Variants in HUWE1 observed in about 807,000 individuals in gnomAD.
HUWE1 encodes the protein E3 ubiquitin-protein ligase HUWE1.
Under a neutral mutation model 299.4 loss-of-function variants are expected in HUWE1, and 18 were observed. The observed-to-expected ratio is 0.06, with a 90% confidence interval of 0.04 to 0.09. The LOEUF is 0.09. Ranked by LOEUF, HUWE1 falls within the 10% of genes least tolerant of loss-of-function variation. The pLI, the probability that HUWE1 is intolerant of heterozygous loss-of-function variation, is 1.00. For missense variants in HUWE1, 1,832 were observed against 3,462.3 expected, an observed-to-expected ratio of 0.53 and a Z score of 11.82; for synonymous variants, 1,317 against 1,286.1, an observed-to-expected ratio of 1.02 and a Z score of -0.51.
Position 53,575,179 on chromosome X carries a change from C to A in HUWE1, c.6073G>T (p.Ala2025Ser), listed in dbSNP as rs782688724. The change falls in exon 46 of 84, where the codon GCA becomes TCA. Residue 2025 changes from alanine to serine, a missense_variant. By Grantham distance (99) the Ala-to-Ser change is moderately conservative. Transcript: ENST00000262854. ...AADGASTETS[A>S]SGTSQGEAST... ...CCCTCTCCTTGGGAGGTCCCAGATGCGGAAGTCTCAGTGGAGGCACCATCT... is the reference window on the plus strand; with the variant it reads ...CCCTCTCCTTGGGAGGTCCCAGATGAGGAAGTCTCAGTGGAGGCACCATCT... 8.3e-7 allele frequency: 1 copy of A among 1,204,335 alleles called. No homozygotes were observed. The highest frequency in any genetic ancestry group is 1.1e-6 in the Non-Finnish European group (1 of 889,514).
intron 66 of HUWE1, among the ~76,000 whole-genome samples, 173 bp from the exon 67 acceptor site, chrX:53,549,678 T>C (rs1602579900): frequency 9.0e-6 from 1 of 110,693 alleles, no homozygotes; most frequent in African/African-American, 3.3e-5. Flanking sequence ...GTCTACTATG[T>C]ACCAGGCACT....
intron 6 of HUWE1, 52 bp from the exon 7 acceptor site, chrX:53,645,515 GAAAAC>G (rs781950441): frequency 1.8e-6 from 2 of 1,133,278 alleles, no homozygotes; most frequent in South Asian, 3.7e-5. Context: ...AACTGGCCTT[GAAAAC>G]AAAACAAAAT....
At chrX:53,660,038 T>C (rs1557044593) in intron 3 of HUWE1, among the ~76,000 whole-genome samples, 1 of 111,978 alleles carries the variant, frequency 8.9e-6, no homozygotes, top group African/African-American at 3.3e-5. Flanking sequence ...TAGTCAAGTG[T>C]CTGTAACTAC....
Position 53,624,348 on chromosome X carries a change from T to A in HUWE1, c.1672+247A>T, listed in dbSNP as rs1228096850. On this transcript the variant is annotated intron_variant, in intron 19 of 83. Coordinates refer to ENST00000262854, the MANE Select transcript of HUWE1 (RefSeq NM_031407.7). ...TATTTGTCTACTAAAAATACAAAAA[T>A]TAGCCAGGCATGGTGGCAGGCACCT... Among the ~76,000 whole-genome samples the A allele has an allele frequency of 1.1e-4, 12 of 111,890 alleles. No homozygotes were observed. In the Admixed American group the frequency reaches 1.1e-3, roughly 11 times the overall value.
At chrX:53,671,791 CAAAAAAAAAAAA>C (rs60356592) in intron 3 of HUWE1, among the ~76,000 whole-genome samples, 7 of 28,553 alleles carry the variant, frequency 2.5e-4, no homozygotes, top group Non-Finnish European at 4.0e-4. Flanking sequence ...GACTCCGTCT[CAAAAAAAAAAAA>C]AAAAAAAAAA....
At chrX:53,552,269 C>A in intron 63 of HUWE1, 42 bp downstream of exon 63, 4 of 1,207,767 alleles carry the variant, frequency 3.3e-6, no homozygotes, top group Non-Finnish European at 4.5e-6. Flanking sequence ...CTACTAGAAG[C>A]CAAAACAATC....
At chrX:53,607,269 C>T (rs1330192104) in intron 25 of HUWE1, among the ~76,000 whole-genome samples, 3 of 111,758 alleles carry the variant, frequency 2.7e-5, no homozygotes, top group African/African-American at 9.8e-5. Flanking sequence ...TGGAGATACA[C>T]TTTTCCCTCC....
At chrX:53,669,810 C>A (rs941316727) in intron 3 of HUWE1, among the ~76,000 whole-genome samples, 45 of 112,188 alleles carry the variant, frequency 4.0e-4, no homozygotes, top group African/African-American at 1.4e-3. Flanking sequence ...TACTTCACAC[C>A]ATTACTTCAG....
At position 53,549,299 on chromosome X, in the gene HUWE1, C is replaced by T. The variant is rs782646040; in HGVS notation, c.9695G>A (p.Arg3232His). ...VIRSLLSILQ[R>H]SSESELCIET... ...AATGCATAGCTCACTCTCACTGCTGCGCTGCAAGATGGAGAGCAGACTGCG... is the reference window on the plus strand; with the variant it reads ...AATGCATAGCTCACTCTCACTGCTGTGCTGCAAGATGGAGAGCAGACTGCG... Residue 3232 changes from arginine (R) to histidine (H), a missense_variant, in exon 67 of 84, where the codon CGC becomes CAC. Transcript: ENST00000262854. 1.7e-6 allele frequency: 2 copies of T among 1,211,613 alleles called. No individual in the cohort carries two copies. Among genetic ancestry groups the T allele is most frequent in the Non-Finnish European group, 2.2e-6 (2 of 895,308 alleles).
chrX:53,672,824 A>C (rs2149549267), intron 3 of HUWE1, among the ~76,000 whole-genome samples: 1 of 112,016 alleles, frequency 8.9e-6, no homozygotes, highest in Admixed American at 9.4e-5. Flanking sequence ...GAAAAAATAT[A>C]TAATATGGCT....
rs781946324 is a variant in HUWE1, at chrX:53,535,501, C to T, written c.12532G>A (p.Val4178Ile). 8.8e-7 allele frequency: 1 copy of T among 1,134,297 alleles called. No homozygotes were observed. Among genetic ancestry groups the T allele is most frequent in the Non-Finnish European group, 1.2e-6 (1 of 825,897 alleles). The allele number at this position is 1,134,297 out of a possible 1,213,427, so 93.5% of individuals were successfully genotyped here. A position where few individuals can be genotyped will look rare whatever the true frequency, so the allele number is the denominator to read the frequency against. The change falls in exon 81 of 84, where the codon GTC (valine) becomes ATC (isoleucine). Residue 4178 changes from valine (V) to isoleucine (I), a missense_variant and splice_region_variant. Transcript: ENST00000262854. ...LGYDLTFSTE[V>I]QEFGVCEVRD... Reference sequence around the variant, plus strand: ...ACTTCACAAACTCCAAACTCTTGGACCTAGAACAACCAAAACACCAATCAT... The same window carrying T: ...ACTTCACAAACTCCAAACTCTTGGATCTAGAACAACCAAAACACCAATCAT...
chrX:53,584,939 C>T (rs2063789487), intron 40 of HUWE1, 73 bp downstream of exon 40: 16 of 1,087,267 alleles, frequency 1.5e-5, no homozygotes, highest in Non-Finnish European at 2.0e-5. Context: ...TGTTGGGCTG[C>T]ATTCAAAGAC....
intron 23 of HUWE1, 79 bp downstream of exon 23, chrX:53,614,455 A>G (rs1010052884): frequency 3.7e-5 from 26 of 711,440 alleles, no homozygotes; most frequent in Non-Finnish European, 5.4e-5. Flanking sequence ...TTTATAGATG[A>G]AAGTGTTCAT....
intron 43 of HUWE1, among the ~76,000 whole-genome samples, chrX:53,578,531 T>G (rs1276791616): frequency 1.3e-3 from 48 of 37,104 alleles, no homozygotes; most frequent in Non-Finnish European, 1.5e-3. Context: ...GGGAGGGAGG[T>G]GGGGGGTCAG....
chrX:53,548,886 A>G, intron 67 of HUWE1, 73 bp downstream of exon 67: 1 of 874,476 alleles, frequency 1.1e-6, no homozygotes, highest in Non-Finnish European at 1.6e-6. Flanking sequence ...TAGCCTGCTT[A>G]GTGTTCAACT....
At chrX:53,548,486 T>A (rs782505018) in intron 67 of HUWE1, among the ~76,000 whole-genome samples, 1 of 112,764 alleles carries the variant, frequency 8.9e-6, no homozygotes, top group East Asian at 2.8e-4. Context: ...ACGAGCAAAC[T>A]TTTCCTGAGC....
intron 23 of HUWE1, 128 bp from the exon 24 acceptor site, chrX:53,609,037 A>T: frequency 2.0e-6 from 1 of 503,474 alleles, no homozygotes; most frequent in East Asian, 3.7e-5. Flanking sequence ...TATTTTTTTG[A>T]GACAGGGTCT....
chrX:53,589,613 G>C lies in HUWE1; in HGVS notation c.4395C>G (p.Ile1465Met), dbSNP rs1426368349. 5 of 1,208,668 alleles carry C rather than the reference G, an allele frequency of 4.1e-6. No homozygotes were observed. The highest frequency in any genetic ancestry group is 5.6e-6 in the Non-Finnish European group (5 of 894,261). Residue 1465 changes from isoleucine to methionine, a missense_variant, in exon 36 of 84, where the codon ATC becomes ATG. Ile to Met is a conservative substitution (Grantham distance 10). Coordinates refer to ENST00000262854, the MANE Select transcript of HUWE1 (RefSeq NM_031407.7). ...CTCCATTACGTTTGATTGCTGTCATGATCAGGTCACACACACGGTATACTG... is the reference window on the plus strand; with the variant it reads ...CTCCATTACGTTTGATTGCTGTCATCATCAGGTCACACACACGGTATACTG... ...PDTVYRVCDL[I>M]MTAIKRNGAD...
intron 19 of HUWE1, among the ~76,000 whole-genome samples, chrX:53,618,019 A>C (rs2065895847): frequency 8.9e-6 from 1 of 112,333 alleles, no homozygotes; most frequent in South Asian, 3.6e-4. Flanking sequence ...TAATCTGATC[A>C]GTTTTTGACA....
Sources: allele counts gnomAD v4.1 joint callset (sites outside exome capture counted in the v4.1 genomes callset), GRCh38; gene constraint gnomAD v4.1.1; transcripts MANE v1.5; gene names NCBI Gene and HGNC (gene_info 2026-07-23, HGNC 2026-07-21).